The following PARD3 variants were observed in gnomAD, a reference collection of about 807,000 sequenced individuals.
PARD3 encodes the protein partitioning defective 3 homolog.
Under a neutral mutation model 155.4 loss-of-function variants are expected in PARD3, and 75 were observed. The ratio of observed to expected loss-of-function variants is 0.48; its 90% CI spans 0.40 to 0.58. The LOEUF is 0.58. PARD3 is among the 20% of genes least tolerant of loss of function. The pLI, the probability that PARD3 is intolerant of heterozygous loss-of-function variation, is 0.00. For synonymous variants in PARD3, 576 were observed against 610.5 expected, an observed-to-expected ratio of 0.94 and a Z score of 0.83; for missense variants, 1,642 against 1,721.7, an observed-to-expected ratio of 0.95 and a Z score of 0.82.
chr10:34,267,473 T>C (rs1955379388), intron 22 of PARD3, among the ~76,000 whole-genome samples: 1 of 152,168 alleles, frequency 6.6e-6, no homozygotes, highest in African/African-American at 2.4e-5. Context: ...CCTACAGATT[T>C]TCATAAGACC....
At chr10:34,701,828 G>C (rs1247299456) in intron 1 of PARD3, among the ~76,000 whole-genome samples, 4 of 152,092 alleles carry the variant, frequency 2.6e-5, no homozygotes, top group Non-Finnish European at 5.9e-5. Flanking sequence ...TTGAGCCCAG[G>C]GGTTCGAGGC....
chr10:34,269,853 G>C lies in PARD3; in HGVS notation c.3223C>G (p.Arg1075Gly). 6.2e-7 allele frequency: 1 copy of C among 1,613,750 alleles called. No homozygotes were observed. Among genetic ancestry groups the C allele is most frequent in the South Asian group, 1.1e-5 (1 of 91,064 alleles). Residue 1075 changes from arginine (R) to glycine (G), a missense_variant, in exon 22 of 25, where the codon CGT becomes GGT. Arg to Gly is a moderately radical substitution (Grantham distance 125). Around this residue, in one of 3 missense-constraint regions of PARD3, gnomAD observed 1,529 missense variants for 1,587.3 expected, o/e 0.96. Coordinates refer to ENST00000374788, the MANE Select transcript of PARD3 (RefSeq NM_001184785.2). ...REFRERQARE[R>G]DYAEIQDFHR... ...AAATCTTGAATTTCAGCATAGTCAC[G>C]CTCTCGAGCTTGTCGTTCCCTAAAT...
intron 2 of PARD3, among the ~76,000 whole-genome samples, chr10:34,618,723 T>G (rs949497531): frequency 1.3e-5 from 2 of 152,190 alleles, no homozygotes; most frequent in African/African-American, 4.8e-5. Flanking sequence ...AATATCACAC[T>G]CTACACATCT....
chr10:34,210,257 G>A (rs1442683468), intron 22 of PARD3, among the ~76,000 whole-genome samples: 1 of 152,092 alleles, frequency 6.6e-6, no homozygotes, highest in Non-Finnish European at 1.5e-5. Flanking sequence ...TGCAGGTGGT[G>A]GAGAGAAGAG....
At chr10:34,343,700 A>G in intron 15 of PARD3, 1 of 984,650 alleles carries the variant, frequency 1.0e-6, no homozygotes, top group Non-Finnish European at 1.2e-6. Context: ...TCCCTTAATT[A>G]TGTTTGCTAG....
At chr10:34,509,099 G>A (rs1165854945) in intron 3 of PARD3, among the ~76,000 whole-genome samples, 6 of 152,058 alleles carry the variant, frequency 3.9e-5, no homozygotes. Flanking sequence ...ACAAGCTCAT[G>A]TTGAAAGCAT....
chr10:34,745,829 G>T (rs12572123), intron 1 of PARD3, among the ~76,000 whole-genome samples: 1 of 151,944 alleles, frequency 6.6e-6, no homozygotes, highest in African/African-American at 2.4e-5. Flanking sequence ...GGCCAGGCGC[G>T]GTGGCTCACG....
chr10:34,584,939 G>C (rs1006844442), intron 2 of PARD3, among the ~76,000 whole-genome samples: 3 of 152,020 alleles, frequency 2.0e-5, no homozygotes, highest in East Asian at 3.9e-4. Context: ...TTTTTGCAAA[G>C]ACTTTTTTTT....
At chr10:34,751,012 C>T (rs1176045057) in intron 1 of PARD3, among the ~76,000 whole-genome samples, 1 of 152,094 alleles carries the variant, frequency 6.6e-6, no homozygotes, top group African/African-American at 2.4e-5. Context: ...GTTTTATTTA[C>T]ACTCTCTTAC....
chr10:34,275,873 G>A (rs1004280123), intron 21 of PARD3, among the ~76,000 whole-genome samples: 4 of 152,094 alleles, frequency 2.6e-5, no homozygotes, highest in East Asian at 1.9e-4. Context: ...TCTCCAAGAT[G>A]TAAGAGTCAC....
intron 1 of PARD3, among the ~76,000 whole-genome samples, chr10:34,763,701 C>G (rs1244278037): frequency 6.6e-6 from 1 of 152,130 alleles, no homozygotes; most frequent in East Asian, 1.9e-4. Context: ...GCAGCTGTGT[C>G]TAGCCCACGG....
chr10:34,293,687 A>C (rs1176013694), intron 20 of PARD3, among the ~76,000 whole-genome samples: 1 of 152,206 alleles, frequency 6.6e-6, no homozygotes, highest in Non-Finnish European at 1.5e-5. Context: ...ATAATACAAT[A>C]CTACAAATTG....
At chr10:34,613,497 A>G (rs1428781659) in intron 2 of PARD3, among the ~76,000 whole-genome samples, 2 of 152,194 alleles carry the variant, frequency 1.3e-5, no homozygotes, top group African/African-American at 4.8e-5. Context: ...TGGTAAAATC[A>G]TTAACTCTTA....
At chr10:34,748,396 G>C (rs1835574310) in intron 1 of PARD3, among the ~76,000 whole-genome samples, 2 of 152,174 alleles carry the variant, frequency 1.3e-5, no homozygotes, top group South Asian at 2.1e-4. Context: ...ATTGAGCCCG[G>C]GAGGCGGAGG....
chr10:34,520,112 T>G (rs957975275), intron 2 of PARD3, among the ~76,000 whole-genome samples: 1 of 152,110 alleles, frequency 6.6e-6, no homozygotes, highest in Non-Finnish European at 1.5e-5. Context: ...AGAATATGAG[T>G]AGGACTCATA....
At chr10:34,455,419 C>T (rs1437766116) in intron 4 of PARD3, among the ~76,000 whole-genome samples, 3 of 151,850 alleles carry the variant, frequency 2.0e-5, no homozygotes, top group African/African-American at 7.3e-5. Context: ...AAATGATACA[C>T]AAAAAACAAA....
intron 7 of PARD3, 126 bp from the exon 8 acceptor site, chr10:34,384,380 T>C (rs1564652746): frequency 9.1e-6 from 8 of 877,726 alleles, no homozygotes; most frequent in Non-Finnish European, 1.4e-5. Flanking sequence ...AAAATGACTA[T>C]TCATACATTT....
chr10:34,119,552 A>G (rs1387582256), intron 24 of PARD3, 61 bp downstream of exon 24: 11 of 1,495,860 alleles, frequency 7.4e-6, no homozygotes, highest in African/African-American at 1.4e-5. Context: ...GCGCGTTCCT[A>G]AAGGGCGGGG....
At chr10:34,278,780 T>C (rs542344649) in intron 21 of PARD3, among the ~76,000 whole-genome samples, 329 of 152,314 alleles carry the variant, frequency 2.2e-3, no homozygotes, top group African/African-American at 7.1e-3. Flanking sequence ...TATGTCCTTA[T>C]AGCAGCATGA....
Sources: allele counts gnomAD v4.1 joint callset (sites outside exome capture counted in the v4.1 genomes callset), GRCh38; gene constraint gnomAD v4.1.1; regional missense constraint gnomAD v4.1.1; transcripts MANE v1.5; gene names NCBI Gene and HGNC (gene_info 2026-07-23, HGNC 2026-07-21).